PRTFDC1: variants seen among roughly 807,000 people sequenced by gnomAD.
The protein encoded by PRTFDC1 is phosphoribosyltransferase domain-containing protein 1.
In PRTFDC1, 38 loss-of-function variants were observed where a neutral mutation model predicts 34.6. That is an observed-to-expected ratio of 1.10 (90% CI 0.85 to 1.44). PRTFDC1 has a LOEUF of 1.44. Among genes scored for constraint, PRTFDC1 ranks in the 40% most tolerant of loss-of-function variants. The pLI is 0.00. For missense variants in PRTFDC1, 270 were observed against 283.0 expected, an observed-to-expected ratio of 0.95 and a Z score of 0.33; for synonymous variants, 93 against 98.1, an observed-to-expected ratio of 0.95 and a Z score of 0.31.
intron 3 of PRTFDC1, 37 bp from the exon 4 acceptor site, chr10:24,872,100 C>T (rs1450147069): frequency 3.9e-6 from 6 of 1,541,454 alleles, no homozygotes; most frequent in East Asian, 4.5e-5. Flanking sequence ...GACAATTTTA[C>T]CGCACAAGAA....
intron 4 of PRTFDC1, among the ~76,000 whole-genome samples, chr10:24,860,659 A>G (rs1565257637): frequency 6.6e-6 from 1 of 152,088 alleles, no homozygotes; most frequent in Non-Finnish European, 1.5e-5. Flanking sequence ...TTTTTGAAGC[A>G]GGGCATGCCA....
At chr10:24,879,230 CT>C (rs1323330807) in intron 3 of PRTFDC1, among the ~76,000 whole-genome samples, 1 of 152,120 alleles carries the variant, frequency 6.6e-6, no homozygotes, top group Non-Finnish European at 1.5e-5. Flanking sequence ...GTCCCTCAGT[CT>C]TTTAAGCTGC....
At chr10:24,899,145 C>T (rs1565270747) in intron 3 of PRTFDC1, among the ~76,000 whole-genome samples, 1 of 152,134 alleles carries the variant, frequency 6.6e-6, no homozygotes, top group African/African-American at 2.4e-5. Context: ...GTGCTGTGAC[C>T]AAGGGGCCAT....
rs138379547 is a variant in PRTFDC1, at chr10:24,855,073, T to C, written c.553+245A>G. Among the ~76,000 whole-genome samples, 17 of 152,282 alleles carry C rather than the reference T, an allele frequency of 1.1e-4. No homozygotes were observed. The East Asian group carries it at 3.3e-3, about 29-fold the overall frequency. On this transcript the variant is annotated intron_variant, in intron 7 of 8. Coordinates refer to ENST00000320152, the MANE Select transcript of PRTFDC1 (RefSeq NM_020200.7). ...GAAACATACAAATAAAAATACCCAA[T>C]GCACGGAACAGAGTTCCTGTGAAAG...
intron 3 of PRTFDC1, among the ~76,000 whole-genome samples, chr10:24,883,128 T>A (rs1401037254): frequency 6.7e-6 from 1 of 148,318 alleles, no homozygotes; most frequent in Non-Finnish European, 1.5e-5. Flanking sequence ...ATAAATAATA[T>A]AATATAACAT....
intron 1 of PRTFDC1, among the ~76,000 whole-genome samples, chr10:24,951,986 C>T (rs904134393): frequency 2.0e-5 from 3 of 152,246 alleles, no homozygotes; most frequent in South Asian, 2.1e-4. Context: ...CCTAGAGCTC[C>T]TGCAGAGGCC....
At chr10:24,944,797 T>TA (rs1849228348) in intron 1 of PRTFDC1, among the ~76,000 whole-genome samples, 1 of 151,732 alleles carries the variant, frequency 6.6e-6, no homozygotes. Context: ...AAAATAAAAA[T>TA]AAAAAACAAA....
intron 3 of PRTFDC1, among the ~76,000 whole-genome samples, chr10:24,930,485 A>G (rs1004188742): frequency 4.6e-5 from 7 of 152,234 alleles, no homozygotes; most frequent in Non-Finnish European, 1.0e-4. Context: ...TCCAGCAATA[A>G]TAGAAGCTGG....
At chr10:24,918,325 TATATCATATC>T (rs145794012) in intron 3 of PRTFDC1, among the ~76,000 whole-genome samples, 2 of 151,952 alleles carry the variant, frequency 1.3e-5, no homozygotes, top group South Asian at 2.1e-4. Flanking sequence ...CACTTTTAAC[TATATCATATC>T]ATATCATATC....
At chr10:24,896,756 A>G (rs61854287) in intron 3 of PRTFDC1, among the ~76,000 whole-genome samples, 15,683 of 152,208 alleles carry the variant, frequency 0.1, 1,106 homozygotes, top group East Asian at 0.29. Flanking sequence ...ACCAAACAAA[A>G]GTGCATACCA....
chr10:24,849,632 C>T lies in PRTFDC1; in HGVS notation c.*212G>A, dbSNP rs1033972945. Reference sequence around the variant, plus strand: ...ACAAGGCGGAGTGTTTAATTTGGAACAAGTCAAATAAAAGCACTGCTTTCT... The same window carrying T: ...ACAAGGCGGAGTGTTTAATTTGGAATAAGTCAAATAAAAGCACTGCTTTCT... On this transcript the variant is annotated 3_prime_UTR_variant, in exon 9 of 9. Transcript: ENST00000320152. 15 of 513,758 alleles carry T rather than the reference C, an allele frequency of 2.9e-5. No individual in the cohort carries two copies. In the South Asian group the frequency reaches 4.6e-4, roughly 16 times the overall value. The allele number at this position is 513,758 out of a possible 1,614,324, so 31.8% of individuals were successfully genotyped here. A position where few individuals can be genotyped will look rare whatever the true frequency, so the allele number is the denominator to read the frequency against.
At chr10:24,883,818 C>CTTT (rs71399940) in intron 3 of PRTFDC1, among the ~76,000 whole-genome samples, 28 of 96,564 alleles carry the variant, frequency 2.9e-4, no homozygotes, top group South Asian at 1.3e-3. Context: ...CTTAAGAGAC[C>CTTT]TTTTTTTTTT....
At chr10:24,914,502 T>G (rs758103943) in intron 3 of PRTFDC1, among the ~76,000 whole-genome samples, 2 of 152,176 alleles carry the variant, frequency 1.3e-5, no homozygotes, top group African/African-American at 2.4e-5. Flanking sequence ...CTCACAAAGA[T>G]GTACTTCTTG....
intron 3 of PRTFDC1, among the ~76,000 whole-genome samples, chr10:24,935,672 T>C (rs1377094621): frequency 3.9e-5 from 6 of 152,166 alleles, no homozygotes; most frequent in Non-Finnish European, 8.8e-5. Context: ...TCAGATGACT[T>C]TGAGTTCATC....
At chr10:24,890,644 A>G (rs562157401) in intron 3 of PRTFDC1, among the ~76,000 whole-genome samples, 3 of 152,288 alleles carry the variant, frequency 2.0e-5, no homozygotes, top group African/African-American at 4.8e-5. Context: ...AACAGGAGGG[A>G]GGGCTATATG....
chr10:24,899,210 G>A (rs1848414494), intron 3 of PRTFDC1, among the ~76,000 whole-genome samples: 1 of 152,176 alleles, frequency 6.6e-6, no homozygotes, highest in Non-Finnish European at 1.5e-5. Context: ...TGGGGCAACT[G>A]AGGAAATTGC....
At chr10:24,940,732 T>C (rs1009920360) in intron 2 of PRTFDC1, among the ~76,000 whole-genome samples, 4 of 152,210 alleles carry the variant, frequency 2.6e-5, no homozygotes, top group East Asian at 1.9e-4. Flanking sequence ...ACAAAACTTA[T>C]ATGTGAATGT....
intron 1 of PRTFDC1, among the ~76,000 whole-genome samples, chr10:24,943,317 C>T (rs543383825): frequency 1.3e-5 from 2 of 152,102 alleles, no homozygotes; most frequent in Admixed American, 1.3e-4. Context: ...CTATTAGAAA[C>T]TGATGATCCA....
intron 3 of PRTFDC1, among the ~76,000 whole-genome samples, chr10:24,936,765 C>A (rs61854337): frequency 6.6e-6 from 1 of 152,074 alleles, no homozygotes; most frequent in African/African-American, 2.4e-5. Context: ...GCCACAACTG[C>A]AGCCACCCAA....
Sources: allele counts gnomAD v4.1 joint callset (sites outside exome capture counted in the v4.1 genomes callset), GRCh38; gene constraint gnomAD v4.1.1; transcripts MANE v1.5; gene names NCBI Gene and HGNC (gene_info 2026-07-23, HGNC 2026-07-21).